Variants in ASB3 observed in about 807,000 individuals in gnomAD.
The protein encoded by ASB3 is ankyrin repeat and SOCS box containing 3.
ASB3 carries 41 observed loss-of-function variants against 54.5 expected under a neutral mutation model. The ratio of observed to expected loss-of-function variants is 0.75; its 90% confidence interval spans 0.59 to 0.98. The LOEUF (loss-of-function observed/expected upper bound fraction) is 0.98. ASB3 is among the 50% of genes least tolerant of loss of function. The pLI is 0.00. For missense variants in ASB3, 733 were observed against 620.0 expected (o/e 1.18, Z -1.94); for synonymous variants, 266 against 221.2 (o/e 1.20, Z -1.80).
chr2:53,754,014 C>G (rs767936174), intron 2 of ASB3, among the ~76,000 whole-genome samples: 1 of 152,046 alleles, frequency 6.6e-6, no homozygotes, highest in South Asian at 2.1e-4. Context: ...GATTCTAAGG[C>G]TGAGGTGGGA....
In ASB3 at chr2:53,780,507, T is replaced by C. The variant is rs567060891; in HGVS notation, c.-14+6314A>G. Among the ~76,000 whole-genome samples, 7 of 152,202 alleles carry C rather than the reference T, an allele frequency of 4.6e-5. No homozygotes were observed. In the South Asian group the frequency reaches 1.5e-3, roughly 32 times the overall value. Reference sequence around the variant, plus strand: ...TAAAATACAAGCAGAGGGGTGGGTATGGTGCTCGTGCCTGTAATCTCAGCA... The same window carrying C: ...TAAAATACAAGCAGAGGGGTGGGTACGGTGCTCGTGCCTGTAATCTCAGCA... On this transcript the variant is annotated intron_variant, in intron 1 of 9. Transcript: ENST00000263634.
chr2:53,733,296 T>G (rs560916752), intron 3 of ASB3, among the ~76,000 whole-genome samples: 2 of 152,214 alleles, frequency 1.3e-5, no homozygotes, highest in African/African-American at 2.4e-5. Flanking sequence ...CTAACAGGAA[T>G]GAACTACACA....
At chr2:53,758,313 C>T (rs368949422) in intron 2 of ASB3, among the ~76,000 whole-genome samples, 14 of 152,124 alleles carry the variant, frequency 9.2e-5, no homozygotes, top group South Asian at 2.1e-4. Context: ...AATTTCATAC[C>T]GGCAAGGACT....
intron 5 of ASB3, among the ~76,000 whole-genome samples, chr2:53,720,756 T>C (rs1670659657): frequency 6.6e-6 from 1 of 152,054 alleles, no homozygotes; most frequent in Admixed American, 6.6e-5. Flanking sequence ...TAAAGAACAC[T>C]CCACTCATCA....
At chr2:53,767,825 G>A in intron 1 of ASB3, 3 of 1,549,420 alleles carry the variant, frequency 1.9e-6, no homozygotes, top group Non-Finnish European at 2.6e-6. Context: ...GGAGGCTTCA[G>A]TCCCCGGCGG....
At chr2:53,723,157 G>A (rs1005090434) in intron 5 of ASB3, among the ~76,000 whole-genome samples, 3 of 151,860 alleles carry the variant, frequency 2.0e-5, no homozygotes, top group African/African-American at 7.3e-5. Context: ...TCTCTACAAG[G>A]AGAACTACAA....
chr2:53,714,527 G>A lies in ASB3; in HGVS notation c.837C>T (p.Asn279=). The change falls in exon 7 of 10, where the codon AAC becomes AAT. Residue 279 remains asparagine, a synonymous_variant. Coordinates refer to ENST00000263634, the MANE Select transcript of ASB3 (RefSeq NM_016115.5). ...CTGCTGAGTAAACAGGGCTTACTTT[G>A]TTTAGCCCAGTGTCACAGGCCCGGT... ...LTNRACDTGL[N]KVSPVYSAVF... 1.2e-6 allele frequency: 2 copies of A among 1,614,156 alleles called. No homozygotes were observed. Among genetic ancestry groups the A allele is most frequent in the Non-Finnish European group, 1.7e-6 (2 of 1,180,004 alleles).
rs569020958 is a variant in ASB3 at position 53,775,380 on chromosome 2, A to T, written c.-13-9795T>A. On this transcript the variant is annotated intron_variant, in intron 1 of 9. Transcript: ENST00000263634. ...GTATATACATATATATACATATAAA[A>T]TTTTTTTTTTCTTTGCAGCCTGCGT... Among the ~76,000 whole-genome samples the T allele has an allele frequency of 1.2e-3, 182 of 151,118 alleles. 1 individual carries two copies. Among genetic ancestry groups the T allele is most frequent in the African/African-American group, 3.7e-3 (151 of 41,228 alleles).
At chr2:53,726,796 A>G (rs1671024468) in intron 5 of ASB3, among the ~76,000 whole-genome samples, 2 of 151,822 alleles carry the variant, frequency 1.3e-5, no homozygotes, top group Admixed American at 6.6e-5. Flanking sequence ...TCATGGGTTC[A>G]AGAGATTCTC....
chr2:53,765,213 C>T (rs1337841382), intron 2 of ASB3, 164 bp downstream of exon 2: 2 of 614,258 alleles, frequency 3.3e-6, no homozygotes, highest in Admixed American at 1.3e-4. Flanking sequence ...TAATTGAATC[C>T]AAGGCAGGCA....
At chr2:53,693,324 G>T (rs904686744) in intron 9 of ASB3, among the ~76,000 whole-genome samples, 1 of 151,934 alleles carries the variant, frequency 6.6e-6, no homozygotes, top group Non-Finnish European at 1.5e-5. Flanking sequence ...TTTAAGTGAG[G>T]TAAGTTGAAA....
chr2:53,775,385 T>C (rs537908318), intron 1 of ASB3, among the ~76,000 whole-genome samples: 1 of 152,274 alleles, frequency 6.6e-6, no homozygotes, highest in East Asian at 1.9e-4. Context: ...ATAAAATTTT[T>C]TTTTTCTTTG....
At chr2:53,728,098 G>T (rs1671108497) in intron 5 of ASB3, among the ~76,000 whole-genome samples, 1 of 152,028 alleles carries the variant, frequency 6.6e-6, no homozygotes, top group African/African-American at 2.4e-5. Context: ...TTAGCACTGT[G>T]AAGAGCATAT....
chr2:53,781,635 A>T (rs2909262), intron 1 of ASB3, among the ~76,000 whole-genome samples: 40,809 of 151,892 alleles, frequency 0.27, 5,754 homozygotes, highest in South Asian at 0.33. Context: ...AGCTGAGATT[A>T]CAGGCATGAG....
intron 1 of ASB3, among the ~76,000 whole-genome samples, chr2:53,775,884 TTTTC>T (rs1324009580): frequency 3.9e-5 from 6 of 152,358 alleles, no homozygotes; most frequent in South Asian, 4.1e-4. Flanking sequence ...TACGTAACTT[TTTTC>T]TTTATTTTGT....
intron 9 of ASB3, among the ~76,000 whole-genome samples, chr2:53,690,259 T>A (rs34140827): frequency 0.069 from 10,472 of 151,368 alleles, 444 homozygotes; most frequent in African/African-American, 0.12. Context: ...ATAAATTAAT[T>A]AATTAATTAA....
intron 2 of ASB3, among the ~76,000 whole-genome samples, chr2:53,752,663 C>CT (rs1672584241): frequency 6.6e-6 from 1 of 152,252 alleles, no homozygotes. Context: ...TCTCCTCTCT[C>CT]TATCAGTAGG....
In ASB3 at chr2:53,718,348, T is replaced by C. The variant is rs560948439; in HGVS notation, c.605-1605A>G. On this transcript the variant is annotated intron_variant, in intron 5 of 9. Coordinates refer to ENST00000263634, the MANE Select transcript of ASB3 (RefSeq NM_016115.5). Reference sequence around the variant, plus strand: ...CAGAAACCTTACAAGGCAAGAGAGATTGGGGGTCTATTTTCAGCATTCTTA... The same window carrying C: ...CAGAAACCTTACAAGGCAAGAGAGACTGGGGGTCTATTTTCAGCATTCTTA... 2.9e-3 allele frequency among the ~76,000 whole-genome samples: 445 copies of C among 152,114 alleles called. 2 individuals are homozygous for C. The highest frequency in any genetic ancestry group is 0.01 in the African/African-American group (422 of 41,498).
intron 1 of ASB3, chr2:53,768,199 C>G: frequency 1.4e-6 from 1 of 691,044 alleles, no homozygotes; most frequent in South Asian, 2.2e-5. Context: ...TCTAACCCAG[C>G]CCGGGCACTC....
Sources: allele counts gnomAD v4.1 joint callset (sites outside exome capture counted in the v4.1 genomes callset), GRCh38; gene constraint gnomAD v4.1.1; transcripts MANE v1.5; gene names NCBI Gene and HGNC (gene_info 2026-07-23, HGNC 2026-07-21).